The following CAMTA1 variants were observed in gnomAD, a reference collection of about 807,000 sequenced individuals.
CAMTA1 encodes the protein calmodulin binding transcription activator 1, also known as calmodulin-binding transcription activator 1.
CAMTA1 carries 27 observed loss-of-function variants against 170.9 expected under a neutral mutation model. That is an observed-to-expected ratio of 0.16 (90% confidence interval 0.12 to 0.22). CAMTA1 has a LOEUF of 0.22. CAMTA1 is among the 10% of genes least tolerant of loss of function. The pLI is 1.00. For missense variants in CAMTA1, 1,619 were observed against 2,217.2 expected, an observed-to-expected ratio of 0.73 and a Z score of 5.42; for synonymous variants, 833 against 891.5, an observed-to-expected ratio of 0.93 and a Z score of 1.17.
At chr1:7,407,221 G>A (rs1193445118) in intron 5 of CAMTA1, among the ~76,000 whole-genome samples, 2 of 152,232 alleles carry the variant, frequency 1.3e-5, no homozygotes, top group Admixed American at 6.5e-5. Flanking sequence ...CCTGTCGACT[G>A]GCAAGGTTAC....
chr1:6,794,891 TTTTTTTTG>T (rs1165800386), intron 1 of CAMTA1, among the ~76,000 whole-genome samples: 41 of 130,748 alleles, frequency 3.1e-4, no homozygotes, highest in Non-Finnish European at 4.1e-4. Context: ...TTTTTTTTTG[TTTTTTTTG>T]TTTTTTTGTT....
At chr1:7,741,291 C>T (rs116329032) in intron 16 of CAMTA1, among the ~76,000 whole-genome samples, 6,785 of 152,156 alleles carry the variant, frequency 0.045, 202 homozygotes, top group African/African-American at 0.081. Flanking sequence ...TGGCCGGGCG[C>T]GGTGGCTCAC....
chr1:6,921,074 A>G (rs1459311483), intron 3 of CAMTA1, among the ~76,000 whole-genome samples: 3 of 152,240 alleles, frequency 2.0e-5, no homozygotes, highest in African/African-American at 7.2e-5. Context: ...TTTCAATTGC[A>G]TTGCAAATTT....
intron 3 of CAMTA1, among the ~76,000 whole-genome samples, chr1:7,012,118 G>C (rs888497339): frequency 1.3e-5 from 2 of 152,122 alleles, no homozygotes; most frequent in African/African-American, 4.8e-5. Flanking sequence ...AGACACCTGC[G>C]GGTGTGCTGA....
intron 3 of CAMTA1, among the ~76,000 whole-genome samples, chr1:6,972,444 T>C (rs777295552): frequency 9.4e-4 from 143 of 152,340 alleles, no homozygotes; most frequent in African/African-American, 3.3e-3. Context: ...AAAGGATCTG[T>C]GTTTAGTAAG....
chr1:7,156,103 G>A (rs1019015233), intron 4 of CAMTA1, among the ~76,000 whole-genome samples: 6 of 147,978 alleles, frequency 4.1e-5, no homozygotes, highest in African/African-American at 9.9e-5. Context: ...TGGCCAACAT[G>A]TCTCTACAAA....
At chr1:7,295,901 T>C (rs1673859323) in intron 5 of CAMTA1, among the ~76,000 whole-genome samples, 2 of 152,250 alleles carry the variant, frequency 1.3e-5, no homozygotes, top group Admixed American at 1.3e-4. Flanking sequence ...TTCTGTGGGC[T>C]GGGGCCAGGC....
intron 1 of CAMTA1, among the ~76,000 whole-genome samples, chr1:6,791,109 G>A (rs1640973337): frequency 8.8e-6 from 1 of 113,928 alleles, no homozygotes; most frequent in South Asian, 2.6e-4. Context: ...CATGTACCCT[G>A]TCCTTTTTTT....
chr1:7,579,421 T>C (rs915758838), intron 6 of CAMTA1, among the ~76,000 whole-genome samples: 4 of 152,132 alleles, frequency 2.6e-5, no homozygotes, highest in African/African-American at 9.7e-5. Context: ...GGTGCTGTTA[T>C]TACCTGCCGT....
At chr1:6,926,310 C>T (rs1683066221) in intron 3 of CAMTA1, among the ~76,000 whole-genome samples, 1 of 151,142 alleles carries the variant, frequency 6.6e-6, no homozygotes, top group Non-Finnish European at 1.5e-5. Flanking sequence ...CTCCTCTCCT[C>T]TCCTCCCCTC....
intron 3 of CAMTA1, among the ~76,000 whole-genome samples, chr1:6,840,464 G>A (rs539815682): frequency 4.0e-5 from 6 of 151,890 alleles, no homozygotes; most frequent in South Asian, 2.1e-4. Context: ...TTGGATGTAG[G>A]GGGTAAAGGA....
chr1:7,729,558 G>C (rs1279783104), intron 11 of CAMTA1, among the ~76,000 whole-genome samples: 1 of 152,216 alleles, frequency 6.6e-6, no homozygotes, highest in Non-Finnish European at 1.5e-5. Context: ...GCTTTCTAGA[G>C]AGTGAGAATA....
rs1641774066 is a variant in CAMTA1 at position 7,093,973 on chromosome 1, C to G, written c.302+2602C>G. 6.6e-6 allele frequency among the ~76,000 whole-genome samples: 1 copy of G among 152,202 alleles called. No individual in the cohort carries two copies. The highest frequency in any genetic ancestry group is 2.1e-4 in the South Asian group (1 of 4,830). On this transcript the variant is annotated intron_variant, in intron 4 of 22. Transcript: ENST00000303635. This position sits in a 1 kb window ranked among gnomAD's most constrained non-coding sequence, Gnocchi z 4.6. ...CACGTTTCTGATTCTGCTTCCCATG[C>G]CGTCGGGTCTGTCCATGCACAGGTG...
intron 9 of CAMTA1, among the ~76,000 whole-genome samples, chr1:7,667,676 C>T (rs371089640): frequency 6.6e-6 from 1 of 152,296 alleles, no homozygotes; most frequent in Admixed American, 6.5e-5. Context: ...CTGACTCCTT[C>T]TGTCCTTTCT....
At chr1:7,573,123 G>A (rs2095144588) in intron 6 of CAMTA1, among the ~76,000 whole-genome samples, 1 of 152,228 alleles carries the variant, frequency 6.6e-6, no homozygotes, top group South Asian at 2.1e-4. Flanking sequence ...ACCTAATGGA[G>A]TGGCATGCAG....
chr1:7,250,028 G>T (rs542674495), intron 5 of CAMTA1, among the ~76,000 whole-genome samples: 1 of 149,658 alleles, frequency 6.7e-6, no homozygotes, highest in Admixed American at 6.6e-5. Flanking sequence ...AAGCTGGCAG[G>T]CCCCTCACAG....
intron 6 of CAMTA1, among the ~76,000 whole-genome samples, chr1:7,626,418 C>T (rs953233545): frequency 1.3e-5 from 2 of 152,174 alleles, no homozygotes; most frequent in African/African-American, 4.8e-5. Flanking sequence ...GCTTGGATCA[C>T]CTGCCCTGCC....
At chr1:7,022,208 C>A (rs1369645495) in intron 3 of CAMTA1, among the ~76,000 whole-genome samples, 1 of 152,190 alleles carries the variant, frequency 6.6e-6, no homozygotes, top group Non-Finnish European at 1.5e-5. Context: ...GCTTCTCTGG[C>A]TCACAGGCAG....
intron 3 of CAMTA1, among the ~76,000 whole-genome samples, chr1:7,031,269 T>C (rs1205307196): frequency 1.3e-5 from 2 of 152,174 alleles, no homozygotes; most frequent in Admixed American, 6.5e-5. Flanking sequence ...TCATAAACAT[T>C]TGTGACTGTT....
Sources: gnomAD v4.1 joint callset for allele counts (sites outside exome capture counted in the v4.1 genomes callset) on GRCh38, gnomAD v4.1.1 for gene constraint, Gnocchi (gnomAD v3.1) non-coding constraint, MANE v1.5 for transcripts, NCBI Gene and HGNC (gene_info 2026-07-23, HGNC 2026-07-21) for gene names.